The following CEMIP2 variants were observed in gnomAD, a reference collection of about 807,000 sequenced individuals.
CEMIP2 encodes cell surface hyaluronidase CEMIP2.
CEMIP2 carries 79 observed loss-of-function variants against 146.9 expected under a neutral mutation model. That is an observed-to-expected ratio of 0.54 (90% CI 0.45 to 0.65). The LOEUF is 0.65. Ranked by LOEUF, CEMIP2 falls within the 30% of genes least tolerant of loss-of-function variation. The pLI is 0.00. For synonymous variants in CEMIP2, 601 were observed against 606.3 expected (o/e 0.99, Z 0.13); for missense variants, 1,596 against 1,696.2 (o/e 0.94, Z 1.04).
intron 21 of CEMIP2, among the ~76,000 whole-genome samples, chr9:71,693,013 C>T (rs1822278845): frequency 6.6e-6 from 1 of 151,964 alleles, no homozygotes; most frequent in Non-Finnish European, 1.5e-5. Flanking sequence ...ACTTAAGTTC[C>T]GGAGCTGGAT....
Position 71,730,033 on chromosome 9 carries a change from C to T in CEMIP2, c.1979+15G>A. Reference sequence around the variant, plus strand: ...GGCCCTGACTCATGGGTTTTTCTCTCCGCCAATTACTCACATACAGTCAGT... The same window carrying T: ...GGCCCTGACTCATGGGTTTTTCTCTTCGCCAATTACTCACATACAGTCAGT... On this transcript the variant is annotated intron_variant, in intron 9 of 23. Coordinates refer to ENST00000377044, the MANE Select transcript of CEMIP2 (RefSeq NM_013390.3). The T allele has an allele frequency of 6.2e-7, 1 of 1,614,130 alleles. No individual in the cohort carries two copies. Among genetic ancestry groups the T allele is most frequent in the Non-Finnish European group, 8.5e-7 (1 of 1,179,990 alleles).
At chr9:71,749,958 A>C (rs1437423769) in intron 2 of CEMIP2, 85 bp downstream of exon 2, 3 of 1,268,140 alleles carry the variant, frequency 2.4e-6, no homozygotes, top group Non-Finnish European at 3.2e-6. Context: ...GGGCCAACTT[A>C]AGATAAATTT....
At chr9:71,747,365 A>C (rs1041611780) in intron 2 of CEMIP2, among the ~76,000 whole-genome samples, 3 of 152,232 alleles carry the variant, frequency 2.0e-5, no homozygotes, top group African/African-American at 7.2e-5. Context: ...TATGGTAGTC[A>C]GTCGAGGTTC....
Position 71,712,243 on chromosome 9 carries a change from C to T in CEMIP2, c.2609G>A (p.Gly870Asp), listed in dbSNP as rs762947356. 2.5e-6 allele frequency: 4 copies of T among 1,613,900 alleles called. No individual in the cohort carries two copies. The highest frequency in any genetic ancestry group is 3.4e-6 in the Non-Finnish European group (4 of 1,179,976). Residue 870 changes from glycine to aspartate, a missense_variant, in exon 16 of 24, where the codon GGC becomes GAC. Coordinates refer to ENST00000377044, the MANE Select transcript of CEMIP2 (RefSeq NM_013390.3). ...LPRNRTFPIR[G>D]FQIYDGPIHL... ...AATGGGCCCATCATAAATCTGAAAG[C>T]CTCTAATTGGGAACGTCCTGTGGAA...
At chr9:71,750,424 A>C in intron 1 of CEMIP2, 39 bp from the exon 2 acceptor site, 1 of 1,380,954 alleles carries the variant, frequency 7.2e-7, no homozygotes, top group Non-Finnish European at 9.8e-7. Flanking sequence ...AGTATGTGTA[A>C]ATTCTTTTTT....
chr9:71,723,591 C>T (rs945255618), intron 11 of CEMIP2, among the ~76,000 whole-genome samples: 6 of 152,130 alleles, frequency 3.9e-5, no homozygotes, highest in African/African-American at 1.4e-4. Context: ...TGGTTTTGTT[C>T]ACTGAGACAG....
intron 15 of CEMIP2, 65 bp from the exon 16 acceptor site, chr9:71,712,325 T>TG: frequency 6.6e-7 from 1 of 1,505,416 alleles, no homozygotes; most frequent in Admixed American, 1.9e-5. Context: ...TTCACTTACT[T>TG]GTTTTATGAA....
At position 71,745,069 on chromosome 9, in the gene CEMIP2, T is replaced by C. The variant is rs1412202205; in HGVS notation, c.983A>G (p.Gln328Arg). The C allele has an allele frequency of 6.2e-7, 1 of 1,614,164 alleles. No individual in the cohort carries two copies. The highest frequency in any genetic ancestry group is 1.1e-5 in the South Asian group (1 of 91,084). Residue 328 changes from glutamine to arginine, a missense_variant, in exon 4 of 24, where the codon CAG becomes CGG. Transcript: ENST00000377044. The part of the protein sequence containing the change: ...AAKSLLQGTI[Q>R]MIQERLGSEL... Reference sequence around the variant, plus strand: ...ACTTCCCAACCGTTCCTGGATCATCTGGATGGTTCCTTGTAAGAGACTTTT... The same window carrying C: ...ACTTCCCAACCGTTCCTGGATCATCCGGATGGTTCCTTGTAAGAGACTTTT...
intron 22 of CEMIP2, among the ~76,000 whole-genome samples, chr9:71,689,756 G>T (rs1227700257): frequency 7.2e-5 from 11 of 152,132 alleles, no homozygotes; most frequent in Admixed American, 7.2e-4. Context: ...AAAGTATAAT[G>T]CTCTGATATT....
In CEMIP2 at chr9:71,730,788, T is replaced by C. The variant is rs777776828; in HGVS notation, c.1690A>G (p.Arg564Gly). 1.9e-6 allele frequency: 3 copies of C among 1,614,246 alleles called. No homozygotes were observed. The highest frequency in any genetic ancestry group is 1.3e-5 in the African/African-American group (1 of 75,060). ...CGDVDYKGGYRHATFVDGLSI... is the reference protein window; with the variant it reads ...CGDVDYKGGYGHATFVDGLSI... ...AGGCCGTCCACAAATGTTGCATGTC[T>C]GTATCCTCCTTTATAATCCACGTCA... Residue 564 changes from arginine to glycine, a missense_variant, in exon 8 of 24, where the codon AGA (arginine) becomes GGA (glycine). Arg to Gly is a moderately radical substitution (Grantham distance 125). Transcript: ENST00000377044.
intron 1 of CEMIP2, among the ~76,000 whole-genome samples, chr9:71,751,795 A>C (rs185584361): frequency 6.6e-6 from 1 of 152,292 alleles, no homozygotes; most frequent in African/African-American, 2.4e-5. Context: ...CTAGGCACTC[A>C]AGTTTGGGTG....
At chr9:71,765,641 T>A (rs184712395) in intron 1 of CEMIP2, among the ~76,000 whole-genome samples, 133 of 152,334 alleles carry the variant, frequency 8.7e-4, no homozygotes, top group African/African-American at 3.0e-3. Flanking sequence ...CACCCCCAAC[T>A]GTTCCTTCTC....
At chr9:71,723,243 G>A (rs764173231) in intron 11 of CEMIP2, among the ~76,000 whole-genome samples, 32 of 151,610 alleles carry the variant, frequency 2.1e-4, no homozygotes, top group Non-Finnish European at 3.8e-4. Flanking sequence ...ACATGGAATT[G>A]ATGTGCTACA....
At chr9:71,751,562 T>G (rs1824254709) in intron 1 of CEMIP2, among the ~76,000 whole-genome samples, 1 of 152,222 alleles carries the variant, frequency 6.6e-6, no homozygotes, top group Non-Finnish European at 1.5e-5. Flanking sequence ...CAATTTTCAC[T>G]GTGCCTAAGA....
chr9:71,742,485 G>A (rs939600928), intron 4 of CEMIP2, among the ~76,000 whole-genome samples: 2 of 152,100 alleles, frequency 1.3e-5, no homozygotes, highest in African/African-American at 4.8e-5. Context: ...ATCTTCAAAG[G>A]CCTATGTGTT....
At chr9:71,747,167 A>C (rs1824114955) in intron 2 of CEMIP2, among the ~76,000 whole-genome samples, 1 of 152,176 alleles carries the variant, frequency 6.6e-6, no homozygotes, top group Non-Finnish European at 1.5e-5. Context: ...TGAAGAGGGG[A>C]GAAAAAAAAT....
At chr9:71,706,930 C>T (rs919811165) in intron 17 of CEMIP2, among the ~76,000 whole-genome samples, 7 of 152,234 alleles carry the variant, frequency 4.6e-5, no homozygotes, top group South Asian at 2.1e-4. Context: ...TGGGTTCAAG[C>T]GATTCTCCTG....
At chr9:71,699,464 A>AT (rs1288019741) in intron 19 of CEMIP2, 1 of 418,124 alleles carries the variant, frequency 2.4e-6, no homozygotes, top group Admixed American at 3.2e-5. Context: ...AAAAAAAAAA[A>AT]AGAAAGAAAG....
chr9:71,722,055 G>T (rs1221644208), intron 12 of CEMIP2, among the ~76,000 whole-genome samples: 1 of 152,114 alleles, frequency 6.6e-6, no homozygotes, highest in Non-Finnish European at 1.5e-5. Flanking sequence ...ATTCTATATG[G>T]TTTGGTTTTT....
Sources: gnomAD v4.1 joint callset for allele counts (sites outside exome capture counted in the v4.1 genomes callset) on GRCh38, gnomAD v4.1.1 for gene constraint, MANE v1.5 for transcripts, NCBI Gene and HGNC (gene_info 2026-07-23, HGNC 2026-07-21) for gene names.